The following DCC variants were observed in gnomAD, a reference collection of about 807,000 sequenced individuals.
The protein encoded by DCC is DCC netrin 1 receptor.
In DCC, 58 loss-of-function variants were observed where a neutral mutation model predicts 172.5. That is an observed-to-expected ratio of 0.34 (90% CI 0.27 to 0.42). The LOEUF (loss-of-function observed/expected upper bound fraction) is 0.42, where lower values mean the gene tolerates loss of function less well. Among genes scored for constraint, DCC ranks in the 10% least tolerant of loss-of-function variants. The pLI, the probability that DCC is intolerant of heterozygous loss-of-function variation, is 1.00. For synonymous variants in DCC, 709 were observed against 644.5 expected, an observed-to-expected ratio of 1.10 and a Z score of -1.52; for missense variants, 1,740 against 1,791.0, an observed-to-expected ratio of 0.97 and a Z score of 0.51.
intron 1 of DCC, among the ~76,000 whole-genome samples, chr18:52,458,812 A>G (rs1363247119): frequency 6.6e-6 from 1 of 152,232 alleles, no homozygotes; most frequent in Non-Finnish European, 1.5e-5. Context: ...ATAACAAAAA[A>G]ACTCCTTTAG....
intron 10 of DCC, among the ~76,000 whole-genome samples, chr18:53,206,471 G>A (rs554745476): frequency 1.7e-4 from 18 of 106,912 alleles, no homozygotes; most frequent in African/African-American, 5.5e-4. Context: ...GTTATATATA[G>A]TATATATAAT....
intron 1 of DCC, among the ~76,000 whole-genome samples, chr18:52,676,495 A>G (rs960889033): frequency 6.6e-6 from 1 of 152,182 alleles, no homozygotes; most frequent in Non-Finnish European, 1.5e-5. Context: ...TCTGACTTAT[A>G]TCTCAGAAAT....
intron 2 of DCC, among the ~76,000 whole-genome samples, chr18:52,875,617 C>T (rs867345994): frequency 5.9e-5 from 9 of 152,138 alleles, no homozygotes; most frequent in African/African-American, 1.4e-4. Flanking sequence ...GTGCTGAAGG[C>T]GACTGCTGAT....
rs183799133 is a variant in DCC at position 52,492,676 on chromosome 18, C to A, written c.91+151798C>A. On this transcript the variant is annotated intron_variant, in intron 1 of 28. Coordinates refer to ENST00000442544, the MANE Select transcript of DCC (RefSeq NM_005215.4). Reference sequence around the variant, plus strand: ...AAGACATAATACTTTGCCATAAGAACTGAGCAACTGAGACTTCCCCAACAC... The same window carrying A: ...AAGACATAATACTTTGCCATAAGAAATGAGCAACTGAGACTTCCCCAACAC... Among the ~76,000 whole-genome samples the A allele has an allele frequency of 4.6e-5, 7 of 152,134 alleles. No individual in the cohort carries two copies. The East Asian group carries it at 1.4e-3, about 29-fold the overall frequency.
intron 5 of DCC, among the ~76,000 whole-genome samples, chr18:53,044,179 T>C (rs1196804241): frequency 6.6e-6 from 1 of 151,840 alleles, no homozygotes; most frequent in Admixed American, 6.6e-5. Context: ...CTTCAAAACA[T>C]GAAAGAAGAG....
intron 2 of DCC, among the ~76,000 whole-genome samples, chr18:52,774,981 G>A (rs951851237): frequency 6.6e-6 from 1 of 152,178 alleles, no homozygotes; most frequent in Non-Finnish European, 1.5e-5. Context: ...GAGAAAGTCT[G>A]GGGCTTTTGA....
At position 53,212,514 on chromosome 18, in the gene DCC, A is replaced by G. The variant is rs566417205; in HGVS notation, c.1862-3034A>G. 1.4e-3 allele frequency among the ~76,000 whole-genome samples: 218 copies of G among 151,930 alleles called. 1 individual carries two copies. The highest frequency in any genetic ancestry group is 4.7e-4 in the Non-Finnish European group (32 of 67,964). Reference sequence around the variant, plus strand: ...AAAAATACTGTAGAAAAAATTCTCTACTCTCCTCCCTGACATGACAACAAT... The same window carrying G: ...AAAAATACTGTAGAAAAAATTCTCTGCTCTCCTCCCTGACATGACAACAAT... On this transcript the variant is annotated intron_variant, in intron 11 of 28. Coordinates refer to ENST00000442544, the MANE Select transcript of DCC (RefSeq NM_005215.4).
At chr18:52,459,704 C>T (rs1029238650) in intron 1 of DCC, among the ~76,000 whole-genome samples, 11 of 151,904 alleles carry the variant, frequency 7.2e-5, no homozygotes, top group Non-Finnish European at 1.3e-4. Context: ...CTCCTGACCT[C>T]GTGATATGCC....
chr18:53,137,823 AT>A (rs894864031), intron 7 of DCC, among the ~76,000 whole-genome samples: 27 of 150,872 alleles, frequency 1.8e-4, no homozygotes, highest in African/African-American at 2.2e-4. Context: ...TAATATTACT[AT>A]TTTTTTTTCA....
In DCC at chr18:53,157,655, G is replaced by GGA. The variant is rs2054765251; in HGVS notation, c.1418+146_1418+147dup. ...CTATGTCCTTCACTCATTCCCCAGT[G>GGA]GAGATGTGCACTTTTAAAAAGCAGT... On this transcript the variant is annotated intron_variant, in intron 8 of 28. Transcript: ENST00000442544. 8.6e-6 allele frequency: 7 copies of GGA among 817,750 alleles called. No homozygotes were observed. The South Asian group carries it at 1.0e-4, about 12-fold the overall frequency. The allele number at this position is 817,750 out of a possible 1,614,324, so 50.7% of individuals were successfully genotyped here.
Position 53,302,062 on chromosome 18 carries a change from C to T in DCC, c.1912-3516C>T, listed in dbSNP as rs1429486386. On this transcript the variant is annotated intron_variant, in intron 12 of 28. Coordinates refer to ENST00000442544, the MANE Select transcript of DCC (RefSeq NM_005215.4). ...TGGCTACCTTCTTCTTGTGTCTTCA[C>T]GTGGTTTTTCTCTGTGCATATCTGT... Among the ~76,000 whole-genome samples the T allele has an allele frequency of 3.3e-5, 5 of 152,126 alleles. 1 individual carries two copies. The highest frequency in any genetic ancestry group is 4.1e-4 in the South Asian group (2 of 4,828).
intron 5 of DCC, among the ~76,000 whole-genome samples, chr18:52,925,684 A>G (rs1485560206): frequency 2.0e-5 from 3 of 152,036 alleles, no homozygotes; most frequent in Admixed American, 6.6e-5. Context: ...ATATCTGGGA[A>G]AATAAATGAA....
chr18:52,353,420 C>A (rs1043757916), intron 1 of DCC, among the ~76,000 whole-genome samples: 1 of 152,116 alleles, frequency 6.6e-6, no homozygotes, highest in African/African-American at 2.4e-5. Flanking sequence ...AGGCCCTGGG[C>A]CCTCCTCCTC....
intron 1 of DCC, among the ~76,000 whole-genome samples, chr18:52,553,509 G>T (rs147810673): frequency 6.6e-6 from 1 of 152,108 alleles, no homozygotes; most frequent in Non-Finnish European, 1.5e-5. Context: ...ATGAACCACT[G>T]CCAAACATGA....
chr18:52,414,042 T>A (rs941406429), intron 1 of DCC, among the ~76,000 whole-genome samples: 1 of 152,196 alleles, frequency 6.6e-6, no homozygotes, highest in Non-Finnish European at 1.5e-5. Context: ...ATCTTTGATT[T>A]TAAGTCCTTT....
chr18:52,553,510 C>A (rs1404444019), intron 1 of DCC, among the ~76,000 whole-genome samples: 1 of 152,008 alleles, frequency 6.6e-6, no homozygotes, highest in African/African-American at 2.4e-5. Flanking sequence ...TGAACCACTG[C>A]CAAACATGAA....
At chr18:53,007,025 A>G (rs1177806258) in intron 5 of DCC, among the ~76,000 whole-genome samples, 1 of 152,232 alleles carries the variant, frequency 6.6e-6, no homozygotes, top group East Asian at 1.9e-4. Flanking sequence ...ATGGCGAACC[A>G]AATCTGTAAG....
chr18:53,129,131 C>T (rs1227052041), intron 7 of DCC, among the ~76,000 whole-genome samples: 1 of 151,904 alleles, frequency 6.6e-6, no homozygotes, highest in Non-Finnish European at 1.5e-5. Flanking sequence ...AAGTGATCTT[C>T]ACACCTCAGC....
chr18:52,784,955 G>C (rs78891073), intron 2 of DCC, among the ~76,000 whole-genome samples: 8 of 149,424 alleles, frequency 5.4e-5, no homozygotes, highest in Middle Eastern at 3.4e-3. Context: ...GAGAGACAGA[G>C]AGAGAGAGAC....
Sources: gnomAD v4.1 joint callset for allele counts (sites outside exome capture counted in the v4.1 genomes callset) on GRCh38, gnomAD v4.1.1 for gene constraint, MANE v1.5 for transcripts, NCBI Gene and HGNC (gene_info 2026-07-23, HGNC 2026-07-21) for gene names.